SPIRE2: variants seen among roughly 807,000 people sequenced by gnomAD.
SPIRE2 encodes the protein protein spire homolog 2.
Under a neutral mutation model 80.7 loss-of-function variants are expected in SPIRE2, and 76 were observed. The ratio of observed to expected loss-of-function variants is 0.94; its 90% confidence interval spans 0.78 to 1.14. The LOEUF (loss-of-function observed/expected upper bound fraction) is 1.14, where lower values mean the gene tolerates loss of function less well. SPIRE2 is among the 50% of genes most tolerant of loss of function. SPIRE2 has a pLI of 0.00. For synonymous variants in SPIRE2, 535 were observed against 432.6 expected (o/e 1.24, Z -2.94); for missense variants, 1,196 against 1,015.3 (o/e 1.18, Z -2.42).
rs1170339290 is a variant in SPIRE2 at position 89,858,427 on chromosome 16, G to A, written c.1192G>A (p.Gly398Ser). Reference sequence around the variant, plus strand: ...CAACCTGTCAGTCACAGATGCTGGGGGCAGCGCCCAGCGCCCGCGGCCCCG... The same window carrying A: ...CAACCTGTCAGTCACAGATGCTGGGAGCAGCGCCCAGCGCCCGCGGCCCCG... ...CINLSVTDAG[G>S]SAQRPRPRVL... Residue 398 changes from glycine to serine, a missense_variant, in exon 8 of 15, where the codon GGC (glycine) becomes AGC (serine). Physicochemically the swap from Gly to Ser is moderately conservative, Grantham distance 56. Transcript: ENST00000378247. 2 of 1,611,808 alleles carry A rather than the reference G, an allele frequency of 1.2e-6. No individual in the cohort carries two copies. Among genetic ancestry groups the A allele is most frequent in the South Asian group, 1.1e-5 (1 of 90,692 alleles).
At chr16:89,855,739 C>T in intron 6 of SPIRE2, 53 bp downstream of exon 6, 3 of 1,559,418 alleles carry the variant, frequency 1.9e-6, no homozygotes, top group Non-Finnish European at 2.6e-6. Flanking sequence ...TGGTGCTGTC[C>T]TGTAGCCAGC....
At chr16:89,869,507 T>G in intron 13 of SPIRE2, 60 bp from the exon 14 acceptor site, 6 of 1,184,248 alleles carry the variant, frequency 5.1e-6, no homozygotes, top group South Asian at 1.2e-5. Flanking sequence ...CCCCTAGCAC[T>G]GAGTGTACCT....
Position 89,870,334 on chromosome 16 carries a change from T to C in SPIRE2, c.*62T>C. On this transcript the variant is annotated 3_prime_UTR_variant, in exon 15 of 15. Coordinates refer to ENST00000378247, the MANE Select transcript of SPIRE2 (RefSeq NM_032451.2). Reference sequence around the variant, plus strand: ...CAGGCCCTGTATCAGGCTAGGACGCTCTGAGCTGTGCATGTACATATATAC... The same window carrying C: ...CAGGCCCTGTATCAGGCTAGGACGCCCTGAGCTGTGCATGTACATATATAC... 1.9e-6 allele frequency: 2 copies of C among 1,047,000 alleles called. No individual in the cohort carries two copies. Among genetic ancestry groups the C allele is most frequent in the Non-Finnish European group, 2.9e-6 (2 of 697,848 alleles). 64.9% of individuals were successfully genotyped at this position (1,047,000 alleles called of 1,614,324 possible). A position where few individuals can be genotyped will look rare whatever the true frequency, so the allele number is the denominator to read the frequency against.
chr16:89,851,867 C>G (rs1360473443), intron 3 of SPIRE2, among the ~76,000 whole-genome samples: 1 of 152,106 alleles, frequency 6.6e-6, no homozygotes, highest in African/African-American at 2.4e-5. Context: ...CTTTATGGTG[C>G]TGTGTCTCTC....
intron 1 of SPIRE2, among the ~76,000 whole-genome samples, chr16:89,842,280 T>C (rs537271694): frequency 2.9e-5 from 4 of 139,556 alleles, no homozygotes; most frequent in African/African-American, 8.3e-5. Flanking sequence ...TGGCACCATC[T>C]TGACTCACTG....
chr16:89,841,874 A>G (rs974371407), intron 1 of SPIRE2, among the ~76,000 whole-genome samples: 1 of 151,668 alleles, frequency 6.6e-6, no homozygotes, highest in Non-Finnish European at 1.5e-5. Context: ...GATTACAGGC[A>G]TGCGCCACCA....
In SPIRE2 at chr16:89,870,211, G is replaced by A. The variant is rs574309721; in HGVS notation, c.2084G>A (p.Arg695Gln). Residue 695 changes from arginine to glutamine, a missense_variant, in exon 15 of 15, where the codon CGA becomes CAA. By Grantham distance (43) the Arg-to-Gln change is conservative. Transcript: ENST00000378247. ...GTGGACGTCCTCAACACTACGCCAC[G>A]ACGCAGTCGCCAGACCCAATCCCTC... is the stretch of plus-strand genomic sequence containing the variant. ...KSVDVLNTTP[R>Q]RSRQTQSLYI... 1.9e-5 allele frequency: 30 copies of A among 1,608,002 alleles called. 1 individual carries two copies. The highest frequency in any genetic ancestry group is 1.7e-4 in the South Asian group (15 of 89,844).
rs1336064735 is a variant in SPIRE2, at chr16:89,863,878, GC to G, written c.1778+18del. ...CTGCAAGAGGTGAGCCTTCCCTTTA[GC>G]TGTCAGTTCACAAGGGAAGGAGGAG... On this transcript the variant is annotated intron_variant, in intron 12 of 14. Coordinates refer to ENST00000378247, the MANE Select transcript of SPIRE2 (RefSeq NM_032451.2). The surrounding 1 kb of genome is among the most constrained non-coding windows in gnomAD (Gnocchi z 4.3). 5 of 1,608,006 alleles carry G rather than the reference GC, an allele frequency of 3.1e-6. No homozygotes were observed. In the Admixed American group the frequency reaches 6.7e-5, roughly 22 times the overall value.
Position 89,859,177 on chromosome 16 carries a change from C to T in SPIRE2, c.1285C>T (p.Pro429Ser). ...EMNTSEEEES[P>S]CGEVTLKRDR... is the part of the protein sequence containing the mutation. ...GGTGTGTCCACAGGAAGAAGAGTCT[C>T]CGTGTGGGGAGGTGACGCTGAAACG... Residue 429 changes from proline (P) to serine (S), a missense_variant, in exon 9 of 15, where the codon CCG becomes TCG. Transcript: ENST00000378247. 22 of 1,582,800 alleles carry T rather than the reference C, an allele frequency of 1.4e-5. No individual in the cohort carries two copies. Among genetic ancestry groups the T allele is most frequent in the Non-Finnish European group, 1.8e-5 (21 of 1,162,312 alleles).
In SPIRE2 at chr16:89,832,043, GT is replaced by G. The variant is rs1437436714; in HGVS notation, c.244+3250del. The stretch of plus-strand genomic sequence containing the variant: ...CCTCTGGTTCCCTCCATCCCGCGCC[GT>G]GCTGATGAGCAGGCCCCAGCTTCTT... On this transcript the variant is annotated intron_variant, in intron 1 of 14. Coordinates refer to ENST00000378247, the MANE Select transcript of SPIRE2 (RefSeq NM_032451.2). Among the ~76,000 whole-genome samples the G allele has an allele frequency of 3.5e-4, 53 of 152,322 alleles. 1 individual carries two copies. Among genetic ancestry groups the G allele is most frequent in the African/African-American group, 1.3e-3 (53 of 41,580 alleles).
In SPIRE2 at chr16:89,845,389, AT is replaced by A. The variant is rs1314563201; in HGVS notation, c.288+26del. 1.9e-6 allele frequency: 3 copies of A among 1,596,422 alleles called. No individual in the cohort carries two copies. In the African/African-American group the frequency reaches 4.0e-5, roughly 21 times the overall value. On this transcript the variant is annotated intron_variant, in intron 2 of 14. Transcript: ENST00000378247. ...AGGTACTTTTTAAAAAATTCCAAGT[AT>A]TACTTGATGTGTGTTAAAACGTACC...
chr16:89,863,787 C>T lies in SPIRE2; in HGVS notation c.1711-7C>T, dbSNP rs373438923. 9.3e-6 allele frequency: 15 copies of T among 1,613,880 alleles called. No individual in the cohort carries two copies. The highest frequency in any genetic ancestry group is 4.0e-5 in the African/African-American group (3 of 74,912). On this transcript the variant is annotated splice_polypyrimidine_tract_variant and splice_region_variant and intron_variant, in intron 11 of 14. Coordinates refer to ENST00000378247, the MANE Select transcript of SPIRE2 (RefSeq NM_032451.2). This position sits in a 1 kb window ranked among gnomAD's most constrained non-coding sequence, Gnocchi z 4.3. ...AAAGCGGGGCTCTAACCAGTCTCTC[C>T]TGACAGATTTGCTGCTGCTGCCGGG...
At chr16:89,858,265 C>T in intron 7 of SPIRE2, 73 bp from the exon 8 acceptor site, 3 of 1,426,096 alleles carry the variant, frequency 2.1e-6, no homozygotes, top group East Asian at 2.5e-5. Flanking sequence ...AGCTGGTGCA[C>T]ACAAAGCTGT....
At chr16:89,840,671 T>C (rs940675853) in intron 1 of SPIRE2, among the ~76,000 whole-genome samples, 4 of 148,198 alleles carry the variant, frequency 2.7e-5, no homozygotes, top group African/African-American at 1.0e-4. Context: ...GGAGTCACTC[T>C]GTCGCCCAGG....
At chr16:89,830,135 TGCGGGA>T (rs1335619334) in intron 1 of SPIRE2, among the ~76,000 whole-genome samples, 1 of 151,214 alleles carries the variant, frequency 6.6e-6, no homozygotes, top group Non-Finnish European at 1.5e-5. Flanking sequence ...GTCCTAGCTG[TGCGGGA>T]GCCCAGCCGC....
intron 1 of SPIRE2, among the ~76,000 whole-genome samples, chr16:89,832,178 C>G (rs1232407495): frequency 2.6e-5 from 4 of 152,214 alleles, no homozygotes; most frequent in Non-Finnish European, 5.9e-5. Context: ...TGTGAAGGGG[C>G]ATCCTTTTCA....
At position 89,850,390 on chromosome 16, in the gene SPIRE2, G is replaced by C. The variant is rs1228648925; in HGVS notation, c.375G>C (p.Leu125=). Residue 125 remains leucine, a synonymous_variant, in exon 3 of 15, where the codon CTG becomes CTC. Coordinates refer to ENST00000378247, the MANE Select transcript of SPIRE2 (RefSeq NM_032451.2). ...ESEERELSPQ[L]ERLIDLMANN... ...AGGAGCGCGAACTCAGCCCTCAGCT[G>C]GAGCGGCTCATCGACCTCATGGCCA... The C allele has an allele frequency of 6.3e-7, 1 of 1,598,080 alleles. No homozygotes were observed. Among genetic ancestry groups the C allele is most frequent in the Admixed American group, 1.7e-5 (1 of 58,000 alleles).
At chr16:89,836,043 C>T (rs750005328) in intron 1 of SPIRE2, among the ~76,000 whole-genome samples, 55 of 152,152 alleles carry the variant, frequency 3.6e-4, no homozygotes, top group Non-Finnish European at 6.6e-4. Flanking sequence ...AGCTTGGTGG[C>T]GGGCGTCTGT....
chr16:89,851,862 T>C (rs1368729137), intron 3 of SPIRE2, among the ~76,000 whole-genome samples: 1 of 152,096 alleles, frequency 6.6e-6, no homozygotes, highest in South Asian at 2.1e-4. Flanking sequence ...TGACCCTTTA[T>C]GGTGCTGTGT....
Sources: allele counts gnomAD v4.1 joint callset (sites outside exome capture counted in the v4.1 genomes callset), GRCh38; gene constraint gnomAD v4.1.1; non-coding constraint Gnocchi (gnomAD v3.1); transcripts MANE v1.5; gene names NCBI Gene and HGNC (gene_info 2026-07-23, HGNC 2026-07-21).